The following WDR19 variants were observed in gnomAD, a reference collection of about 807,000 sequenced individuals.
WDR19 encodes WD repeat domain 19.
A neutral mutation model predicts 180.0 loss-of-function variants in WDR19; 121 were observed. The observed-to-expected ratio is 0.67, with a 90% confidence interval of 0.58 to 0.78. WDR19 has a LOEUF of 0.78. Ranked by LOEUF, WDR19 falls within the 30% of genes least tolerant of loss-of-function variation. WDR19 has a pLI of 0.00. For synonymous variants in WDR19, 497 were observed against 540.7 expected, an observed-to-expected ratio of 0.92 and a Z score of 1.12; for missense variants, 1,450 against 1,640.7, an observed-to-expected ratio of 0.88 and a Z score of 2.01.
chr4:39,234,618 C>T (rs1731191981), intron 19 of WDR19, 148 bp from the exon 20 acceptor site: 3 of 646,204 alleles, frequency 4.6e-6, no homozygotes. Flanking sequence ...AGAATACATA[C>T]TATAGTAATA....
chr4:39,232,069 A>AC, intron 18 of WDR19, 93 bp from the exon 19 acceptor site: 1 of 1,518,918 alleles, frequency 6.6e-7, no homozygotes, highest in Non-Finnish European at 9.1e-7. Flanking sequence ...AATCGATAGA[A>AC]CGTTACCACT....
chr4:39,207,886 T>TA (rs532129418), intron 9 of WDR19, among the ~76,000 whole-genome samples: 10 of 150,038 alleles, frequency 6.7e-5, no homozygotes, highest in Non-Finnish European at 1.0e-4. Flanking sequence ...TGTGATGGTT[T>TA]AAAAAAAAAA....
intron 36 of WDR19, 145 bp downstream of exon 36, chr4:39,278,808 A>AT (rs5857667): frequency 2.0e-4 from 87 of 429,308 alleles, no homozygotes; most frequent in Middle Eastern, 5.6e-4. Flanking sequence ...CTTTTGATGT[A>AT]TTTTTTTTAA....
intron 9 of WDR19, among the ~76,000 whole-genome samples, chr4:39,209,344 G>C (rs992477265): frequency 2.6e-5 from 4 of 152,030 alleles, no homozygotes; most frequent in Admixed American, 2.0e-4. Context: ...AAGCAGCCTA[G>C]AAGAAAATTT....
At chr4:39,188,253 AG>A (rs1278600868) in intron 3 of WDR19, among the ~76,000 whole-genome samples, 1 of 152,144 alleles carries the variant, frequency 6.6e-6, no homozygotes, top group Non-Finnish European at 1.5e-5. Flanking sequence ...AAATAACATC[AG>A]AAAAGAAAAG....
In WDR19 at chr4:39,217,986, G is replaced by C; in HGVS notation, c.1360G>C (p.Glu454Gln). 1 of 1,613,678 alleles carries C rather than the reference G, an allele frequency of 6.2e-7. No homozygotes were observed. Residue 454 changes from glutamate to glutamine, a missense_variant, in exon 14 of 37, where the codon GAA (glutamate) becomes CAA (glutamine). Coordinates refer to ENST00000399820, the MANE Select transcript of WDR19 (RefSeq NM_025132.4). Reference sequence around the variant, plus strand: ...ATTATTATTCTTTACGTTTTAGATAGAAAGCGAAATCTTGGATGCTCAAGA... The same window carrying C: ...ATTATTATTCTTTACGTTTTAGATACAAAGCGAAATCTTGGATGCTCAAGA... ...FEGKVQLHLI[E>Q]SEILDAQEER...
In WDR19 at chr4:39,234,229, G is replaced by A. The variant is rs933522284; in HGVS notation, c.2254-537G>A. On this transcript the variant is annotated intron_variant, in intron 19 of 36. Transcript: ENST00000399820. ...GAGGAATGAACTTTAAAAGATTAAT[G>A]ATGAGTTTATATTTAGAATTATGTA... Among the ~76,000 whole-genome samples the A allele has an allele frequency of 9.2e-5, 14 of 152,104 alleles. 1 individual carries two copies. The East Asian group carries it at 2.7e-3, about 29-fold the overall frequency.
chr4:39,250,263 C>G (rs1733012591), intron 24 of WDR19, among the ~76,000 whole-genome samples: 1 of 152,174 alleles, frequency 6.6e-6, no homozygotes, highest in Non-Finnish European at 1.5e-5. Flanking sequence ...AACCACATGA[C>G]TATCTCAACA....
chr4:39,248,419 C>T (rs1159616659), intron 24 of WDR19, among the ~76,000 whole-genome samples: 1 of 152,156 alleles, frequency 6.6e-6, no homozygotes, highest in Non-Finnish European at 1.5e-5. Flanking sequence ...TAAAGACCAT[C>T]AAGGCTAGGA....
chr4:39,228,403 A>G (rs1730502687), intron 16 of WDR19, 46 bp downstream of exon 16: 2 of 1,602,374 alleles, frequency 1.2e-6, no homozygotes, highest in Non-Finnish European at 8.5e-7. Context: ...TGAATTTCCC[A>G]TTGCAGTAAA....
intron 19 of WDR19, 58 bp downstream of exon 19, chr4:39,232,330 G>T: frequency 3.8e-6 from 5 of 1,317,992 alleles, no homozygotes; most frequent in Non-Finnish European, 1.0e-6. Context: ...GGAAATGGGG[G>T]AAAAAAAAAT....
At chr4:39,217,287 C>G (rs13119256) in intron 13 of WDR19, 47 bp downstream of exon 13, 30 of 1,383,394 alleles carry the variant, frequency 2.2e-5, no homozygotes, top group Non-Finnish European at 2.8e-5. Flanking sequence ...TTATAATGAA[C>G]AGCCTAATGT....
chr4:39,283,289 C>T (rs1475202160), intron 36 of WDR19, among the ~76,000 whole-genome samples: 1 of 152,028 alleles, frequency 6.6e-6, no homozygotes. Flanking sequence ...GATAAACTCA[C>T]TTGATCATGA....
intron 4 of WDR19, 107 bp downstream of exon 4, chr4:39,189,888 G>A (rs965632095): frequency 2.5e-6 from 3 of 1,216,164 alleles, no homozygotes; most frequent in African/African-American, 1.6e-5. Context: ...TCCTCAATGA[G>A]TTATTTTCAT....
In WDR19 at chr4:39,189,773, T is replaced by C; in HGVS notation, c.282T>C (p.Asn94=). ...CAAATAAGACCAGCCAGTTAGACAATGGCATGAGGTAAGATAACTTTTTAA... is the reference window on the plus strand; with the variant it reads ...CAAATAAGACCAGCCAGTTAGACAACGGCATGAGGTAAGATAACTTTTTAA... ...ANTNKTSQLD[N]GMRDQMSFLL... is the part of the protein sequence containing the mutation. The change falls in exon 4 of 37, where the codon AAT becomes AAC. Residue 94 remains asparagine (N), a synonymous_variant. Transcript: ENST00000399820. The C allele has an allele frequency of 6.3e-7, 1 of 1,599,928 alleles. No individual in the cohort carries two copies. Among genetic ancestry groups the C allele is most frequent in the Non-Finnish European group, 8.5e-7 (1 of 1,176,022 alleles).
chr4:39,285,168 A>AATT (rs1458736698), intron 36 of WDR19, among the ~76,000 whole-genome samples: 1 of 151,870 alleles, frequency 6.6e-6, no homozygotes, highest in Admixed American at 6.6e-5. Flanking sequence ...ATAACTGTTT[A>AATT]ATTTCAGGAA....
At chr4:39,230,638 C>T (rs961420740) in intron 17 of WDR19, among the ~76,000 whole-genome samples, 14 of 152,180 alleles carry the variant, frequency 9.2e-5, no homozygotes, top group Admixed American at 7.2e-4. Flanking sequence ...TCAAACTATG[C>T]TATAGTCATT....
chr4:39,201,429 A>G (rs1250253889), intron 6 of WDR19, among the ~76,000 whole-genome samples: 1 of 152,170 alleles, frequency 6.6e-6, no homozygotes, highest in Admixed American at 6.5e-5. Flanking sequence ...CTAGATGACT[A>G]TGTACCTTGC....
intron 30 of WDR19, among the ~76,000 whole-genome samples, chr4:39,268,599 A>G (rs1735036260): frequency 6.6e-6 from 1 of 152,220 alleles, no homozygotes; most frequent in Non-Finnish European, 1.5e-5. Context: ...TTAGTCTGAT[A>G]TCTTCATTAA....
Sources: gnomAD v4.1 joint callset for allele counts (sites outside exome capture counted in the v4.1 genomes callset) on GRCh38, gnomAD v4.1.1 for gene constraint, MANE v1.5 for transcripts, NCBI Gene and HGNC (gene_info 2026-07-23, HGNC 2026-07-21) for gene names.